The following CTNNA2 variants were observed in gnomAD, a reference collection of about 807,000 sequenced individuals.
CTNNA2 encodes catenin alpha-2.
In CTNNA2, 42 loss-of-function variants were observed where a neutral mutation model predicts 101.0. The ratio of observed to expected loss-of-function variants is 0.42; its 90% CI spans 0.32 to 0.54. The LOEUF is 0.54. Ranked by LOEUF, CTNNA2 falls within the 20% of genes least tolerant of loss-of-function variation. The pLI is 0.14. For missense variants in CTNNA2, 871 were observed against 1,223.1 expected (o/e 0.71, Z 4.29); for synonymous variants, 450 against 456.4 (o/e 0.99, Z 0.18).
intron 2 of CTNNA2, among the ~76,000 whole-genome samples, chr2:79,238,565 C>A (rs564390090): frequency 6.0e-4 from 91 of 152,128 alleles, no homozygotes; most frequent in Non-Finnish European, 1.0e-3. Flanking sequence ...AAGTGAAGTA[C>A]AATAGTGCAG....
chr2:80,623,230 T>A (rs1671325883), intron 18 of CTNNA2, among the ~76,000 whole-genome samples: 2 of 151,812 alleles, frequency 1.3e-5, no homozygotes, highest in Admixed American at 6.6e-5. Context: ...TATGGGATAT[T>A]CCCTGTTCTA....
rs1331502885 is a variant in CTNNA2 at position 79,651,593 on chromosome 2, G to A, written c.37G>A (p.Asp13Asn). 1 of 1,613,790 alleles carries A rather than the reference G, an allele frequency of 6.2e-7. No individual in the cohort carries two copies. The highest frequency in any genetic ancestry group is 8.5e-7 in the Non-Finnish European group (1 of 1,179,822). The change falls in exon 2 of 19, where the codon GAC becomes AAC. Residue 13 changes from aspartate (D) to asparagine (N), a missense_variant. Asp to Asn is a conservative substitution (Grantham distance 23). This residue lies in a region of CTNNA2 where 647 missense variants were observed against 831.5 expected (regional missense o/e 0.78). Transcript: ENST00000402739. ...AACTTCACCTATCATTCTGAAATGGGACCCCAAAAGTTTGGAAATCCGGAC... is the reference window on the plus strand; with the variant it reads ...AACTTCACCTATCATTCTGAAATGGAACCCCAAAAGTTTGGAAATCCGGAC... ...SATSPIILKW[D>N]PKSLEIRTLT...
chr2:79,476,959 C>T (rs180703802), intron 4 of CTNNA2, among the ~76,000 whole-genome samples: 5 of 152,094 alleles, frequency 3.3e-5, no homozygotes, highest in Non-Finnish European at 5.9e-5. Flanking sequence ...GCCTTTACTT[C>T]ATATGACCTT....
chr2:79,915,172 T>C (rs943660800), intron 7 of CTNNA2, among the ~76,000 whole-genome samples: 1 of 137,934 alleles, frequency 7.2e-6, no homozygotes, highest in African/African-American at 2.8e-5. Context: ...AAGAAATATA[T>C]GTTCACTAGA....
intron 4 of CTNNA2, among the ~76,000 whole-genome samples, chr2:79,469,085 C>G (rs1212235468): frequency 6.6e-6 from 1 of 151,972 alleles, no homozygotes; most frequent in Admixed American, 6.6e-5. Flanking sequence ...TCAATGAATC[C>G]AGGAGCTGGT....
intron 6 of CTNNA2, among the ~76,000 whole-genome samples, chr2:79,888,091 A>G (rs980874683): frequency 6.6e-6 from 1 of 152,200 alleles, no homozygotes; most frequent in Non-Finnish European, 1.5e-5. Context: ...TAGTCTACCT[A>G]TGACAACCTT....
intron 7 of CTNNA2, among the ~76,000 whole-genome samples, chr2:80,136,356 A>T (rs770145640): frequency 3.9e-5 from 6 of 152,170 alleles, no homozygotes; most frequent in Non-Finnish European, 8.8e-5. Context: ...GGATTAGAAG[A>T]CCTTTGGCAG....
chr2:79,376,555 T>C (rs1277496229), intron 4 of CTNNA2, among the ~76,000 whole-genome samples: 4 of 152,168 alleles, frequency 2.6e-5, no homozygotes, highest in Admixed American at 6.6e-5. Flanking sequence ...TACGTATGTA[T>C]ACATGTGCCA....
intron 2 of CTNNA2, among the ~76,000 whole-genome samples, chr2:79,306,563 G>T (rs1311926410): frequency 1.3e-5 from 2 of 152,122 alleles, no homozygotes; most frequent in Admixed American, 6.5e-5. Flanking sequence ...ACACACTTTT[G>T]GTGGACACAG....
intron 1 of CTNNA2, among the ~76,000 whole-genome samples, chr2:79,596,209 C>T (rs1006655541): frequency 1.1e-4 from 17 of 152,002 alleles, no homozygotes; most frequent in South Asian, 2.1e-4. Context: ...ACACTCAGGA[C>T]GCTGCCTGGA....
chr2:79,549,826 A>G (rs1673978464), intron 1 of CTNNA2, among the ~76,000 whole-genome samples: 1 of 152,158 alleles, frequency 6.6e-6, no homozygotes, highest in African/African-American at 2.4e-5. Context: ...CCCCTGTTAT[A>G]TGATACTGTT....
chr2:80,045,807 A>T (rs978012432), intron 7 of CTNNA2, among the ~76,000 whole-genome samples: 4 of 152,170 alleles, frequency 2.6e-5, no homozygotes, highest in African/African-American at 7.2e-5. Context: ...AAAACAGGCC[A>T]TTGAAAAAAA....
At chr2:79,867,952 T>G (rs544558796) in intron 4 of CTNNA2, among the ~76,000 whole-genome samples, 1 of 152,324 alleles carries the variant, frequency 6.6e-6, no homozygotes, top group South Asian at 2.1e-4. Flanking sequence ...ATTATAAATC[T>G]ATTAGAATGT....
intron 3 of CTNNA2, among the ~76,000 whole-genome samples, chr2:79,811,310 G>T (rs1677015504): frequency 2.0e-5 from 3 of 152,040 alleles, no homozygotes; most frequent in South Asian, 2.1e-4. Flanking sequence ...GTGTCTTTTG[G>T]CTGCATAAAT....
chr2:79,196,582 AT>A (rs1200093992), intron 1 of CTNNA2, among the ~76,000 whole-genome samples: 4 of 152,196 alleles, frequency 2.6e-5, no homozygotes, highest in Non-Finnish European at 5.9e-5. Context: ...AACAGTATCT[AT>A]TTTGTACAAT....
intron 9 of CTNNA2, among the ~76,000 whole-genome samples, chr2:80,443,847 C>A (rs1682824950): frequency 6.6e-6 from 1 of 152,242 alleles, no homozygotes; most frequent in Non-Finnish European, 1.5e-5. Context: ...ATCTCTGGGA[C>A]AGAAAAGAGA....
At chr2:79,612,305 G>A (rs1678328442) in intron 1 of CTNNA2, among the ~76,000 whole-genome samples, 1 of 152,078 alleles carries the variant, frequency 6.6e-6, no homozygotes, top group African/African-American at 2.4e-5. Context: ...TCAACTAAGG[G>A]GAAGCCGTTT....
intron 3 of CTNNA2, among the ~76,000 whole-genome samples, chr2:79,366,981 A>G (rs1336088916): frequency 6.6e-6 from 1 of 152,200 alleles, no homozygotes; most frequent in Admixed American, 6.5e-5. Context: ...TCCTCCCCAA[A>G]TTCATATGTT....
chr2:79,269,842 A>C (rs1675039651), intron 2 of CTNNA2, among the ~76,000 whole-genome samples: 1 of 152,138 alleles, frequency 6.6e-6, no homozygotes, highest in South Asian at 2.1e-4. Context: ...TGGATCTAGC[A>C]TGTTCACTAA....
Sources: gnomAD v4.1 joint callset for allele counts (sites outside exome capture counted in the v4.1 genomes callset) on GRCh38, gnomAD v4.1.1 for gene constraint, gnomAD v4.1.1 regional missense constraint, MANE v1.5 for transcripts, NCBI Gene and HGNC (gene_info 2026-07-23, HGNC 2026-07-21) for gene names.